Variants in CIB4 observed in about 807,000 individuals in gnomAD.
CIB4 encodes calcium and integrin-binding family member 4.
CIB4 carries 25 observed loss-of-function variants against 25.8 expected under a neutral mutation model. The ratio of observed to expected loss-of-function variants is 0.97; its 90% CI spans 0.71 to 1.35. CIB4 has a LOEUF of 1.35. CIB4 is among the 40% of genes most tolerant of loss of function. CIB4 has a pLI of 0.00. For missense variants in CIB4, 235 were observed against 228.2 expected, an observed-to-expected ratio of 1.03 and a Z score of -0.19; for synonymous variants, 75 against 81.4, an observed-to-expected ratio of 0.92 and a Z score of 0.42.
At chr2:26,610,750 G>C (rs1668982659) in intron 3 of CIB4, among the ~76,000 whole-genome samples, 1 of 152,132 alleles carries the variant, frequency 6.6e-6, no homozygotes, top group African/African-American at 2.4e-5. Flanking sequence ...ACATCTATTT[G>C]TCCATTAATC....
At chr2:26,609,803 T>G (rs1013560344) in intron 3 of CIB4, among the ~76,000 whole-genome samples, 1 of 152,174 alleles carries the variant, frequency 6.6e-6, no homozygotes, top group Non-Finnish European at 1.5e-5. Flanking sequence ...GCTGGGAACT[T>G]AAACACAGTT....
At chr2:26,584,261 C>G (rs1280415173) in intron 4 of CIB4, among the ~76,000 whole-genome samples, 1 of 152,138 alleles carries the variant, frequency 6.6e-6, no homozygotes, top group African/African-American at 2.4e-5. Flanking sequence ...GAGATTCAAA[C>G]CCAGCCAGGC....
At position 26,627,358 on chromosome 2, in the gene CIB4, A is replaced by G. The variant is rs139014481; in HGVS notation, c.186+2052T>C. Among the ~76,000 whole-genome samples, 4 of 152,288 alleles carry G rather than the reference A, an allele frequency of 2.6e-5. No individual in the cohort carries two copies. The East Asian group carries it at 7.7e-4, about 29-fold the overall frequency. Reference sequence around the variant, plus strand: ...TGGGACCTCAGTTTCCCCATTAATAAAATCAGGGTGAGGAGCATTTGACAG... The same window carrying G: ...TGGGACCTCAGTTTCCCCATTAATAGAATCAGGGTGAGGAGCATTTGACAG... On this transcript the variant is annotated intron_variant, in intron 3 of 6. Coordinates refer to ENST00000288861, the MANE Select transcript of CIB4 (RefSeq NM_001029881.3). This position sits in a 1 kb window ranked among gnomAD's most constrained non-coding sequence, Gnocchi z 4.0.
chr2:26,633,394 C>T (rs1003672519), intron 2 of CIB4, among the ~76,000 whole-genome samples: 1 of 152,212 alleles, frequency 6.6e-6, no homozygotes, highest in Non-Finnish European at 1.5e-5. Flanking sequence ...TAAGGTTATA[C>T]AGCTGGGAAG....
chr2:26,613,679 C>T (rs545966295), intron 3 of CIB4, among the ~76,000 whole-genome samples: 2 of 152,354 alleles, frequency 1.3e-5, no homozygotes, highest in East Asian at 3.9e-4. Context: ...AACTCCAGGG[C>T]TTTTGGTGAC....
Position 26,583,018 on chromosome 2 carries a change from G to A in CIB4, c.439-105C>T, listed in dbSNP as rs1668381143. ...CCACATGCCAGGGGCTCTCCCACAT[G>A]CTTAACACTTGTCTCCTGGGTCCCC... is the stretch of plus-strand genomic sequence containing the variant. On this transcript the variant is annotated intron_variant, in intron 5 of 6. Transcript: ENST00000288861. 12 of 707,056 alleles carry A rather than the reference G, an allele frequency of 1.7e-5. No individual in the cohort carries two copies. In the Admixed American group the frequency reaches 2.4e-4, roughly 14 times the overall value. The allele number at this position is 707,056 out of a possible 1,614,324, so 43.8% of individuals were successfully genotyped here.
intron 3 of CIB4, among the ~76,000 whole-genome samples, chr2:26,607,433 C>T (rs1316682944): frequency 6.6e-6 from 1 of 152,208 alleles, no homozygotes; most frequent in South Asian, 2.1e-4. Context: ...AGATAAATAT[C>T]TATCCACGTT....
At chr2:26,589,030 T>TTCC (rs1668516061) in intron 4 of CIB4, among the ~76,000 whole-genome samples, 1 of 37,718 alleles carries the variant, frequency 2.7e-5, no homozygotes, top group African/African-American at 1.1e-4. Flanking sequence ...CTTCTTCTTC[T>TTCC]TCTTCTTCTT....
chr2:26,638,800 A>C (rs888154187), intron 2 of CIB4, among the ~76,000 whole-genome samples: 1 of 152,064 alleles, frequency 6.6e-6, no homozygotes, highest in African/African-American at 2.4e-5. Flanking sequence ...AGAAATACAA[A>C]AATTTGCCGG....
intron 3 of CIB4, among the ~76,000 whole-genome samples, chr2:26,611,029 A>G (rs536812806): frequency 1.3e-5 from 2 of 152,346 alleles, no homozygotes; most frequent in South Asian, 4.1e-4. Context: ...TGCTCCTGCA[A>G]GAGCAAGGGG....
At chr2:26,614,121 AG>A (rs1215459305) in intron 3 of CIB4, among the ~76,000 whole-genome samples, 1 of 152,172 alleles carries the variant, frequency 6.6e-6, no homozygotes, top group Non-Finnish European at 1.5e-5. Context: ...CGAAGAGGGG[AG>A]GGGGTACTTC....
intron 3 of CIB4, among the ~76,000 whole-genome samples, chr2:26,614,403 TG>T: frequency 6.6e-6 from 1 of 152,298 alleles, no homozygotes. Flanking sequence ...TTGGTGTCAC[TG>T]GGGAATTCAG....
At chr2:26,581,762 G>A (rs1464228299) in intron 6 of CIB4, among the ~76,000 whole-genome samples, 2 of 152,204 alleles carry the variant, frequency 1.3e-5, no homozygotes, top group Non-Finnish European at 2.9e-5. Context: ...CATCCTTAGA[G>A]AGGGGCCACC....
intron 3 of CIB4, among the ~76,000 whole-genome samples, chr2:26,614,446 A>G (rs1466071886): frequency 6.6e-6 from 1 of 152,212 alleles, no homozygotes; most frequent in African/African-American, 2.4e-5. Flanking sequence ...TGATCCCATT[A>G]GCGTGTCATT....
At chr2:26,596,899 C>T (rs1389170720) in intron 3 of CIB4, among the ~76,000 whole-genome samples, 1 of 152,166 alleles carries the variant, frequency 6.6e-6, no homozygotes, top group African/African-American at 2.4e-5. Flanking sequence ...TATATGTTTT[C>T]CTGGCACAAA....
At chr2:26,603,955 A>G (rs1379404317) in intron 3 of CIB4, among the ~76,000 whole-genome samples, 1 of 149,936 alleles carries the variant, frequency 6.7e-6, no homozygotes. Context: ...ATGAGCCAAG[A>G]TTGTGCCACT....
chr2:26,640,537 G>C lies in CIB4; in HGVS notation c.85C>G (p.Leu29Val). ...AGGGGCGGGGCTTCTACTCACCACAGAATTTCATTTCTGGTCAGGAAGGTC... is the reference window on the plus strand; with the variant it reads ...AGGGGCGGGGCTTCTACTCACCACACAATTTCATTTCTGGTCAGGAAGGTC... ...ALTFLTRNEI[L>V]CIHDTFLKLC... The change falls in exon 2 of 7, where the codon CTG (leucine) becomes GTG (valine). Residue 29 changes from leucine (L) to valine (V), a missense_variant. Transcript: ENST00000288861. 1 of 1,613,476 alleles carries C rather than the reference G, an allele frequency of 6.2e-7. No individual in the cohort carries two copies. The highest frequency in any genetic ancestry group is 8.5e-7 in the Non-Finnish European group (1 of 1,179,712).
At chr2:26,638,070 G>A (rs891665740) in intron 2 of CIB4, among the ~76,000 whole-genome samples, 4 of 152,220 alleles carry the variant, frequency 2.6e-5, no homozygotes, top group African/African-American at 9.6e-5. Flanking sequence ...GCTACCCAGG[G>A]GCAGGCACAG....
chr2:26,604,660 C>T (rs1668855828), intron 3 of CIB4, among the ~76,000 whole-genome samples: 1 of 152,146 alleles, frequency 6.6e-6, no homozygotes, highest in Non-Finnish European at 1.5e-5. Context: ...TAAACCAGAG[C>T]TACAAAAAAT....
Sources: allele counts gnomAD v4.1 joint callset (sites outside exome capture counted in the v4.1 genomes callset), GRCh38; gene constraint gnomAD v4.1.1; non-coding constraint Gnocchi (gnomAD v3.1); transcripts MANE v1.5; gene names NCBI Gene and HGNC (gene_info 2026-07-23, HGNC 2026-07-21).